The following THSD7A variants were observed in gnomAD, a reference collection of about 807,000 sequenced individuals.
The protein encoded by THSD7A is thrombospondin type-1 domain-containing protein 7A.
THSD7A carries 96 observed loss-of-function variants against 231.3 expected under a neutral mutation model. That is an observed-to-expected ratio of 0.41 (90% CI 0.35 to 0.49). The LOEUF is 0.49. Among genes scored for constraint, THSD7A ranks in the 20% least tolerant of loss-of-function variants. The probability of loss-of-function intolerance (pLI) is 0.05; values close to 1 mark genes in which losing one functional copy is unlikely to be tolerated. For synonymous variants in THSD7A, 940 were observed against 743.3 expected, an observed-to-expected ratio of 1.26 and a Z score of -4.30; for missense variants, 2,290 against 2,070.2, an observed-to-expected ratio of 1.11 and a Z score of -2.06.
intron 2 of THSD7A, among the ~76,000 whole-genome samples, chr7:11,606,659 A>C (rs957029166): frequency 6.9e-6 from 1 of 144,450 alleles, no homozygotes; most frequent in African/African-American, 2.4e-5. Flanking sequence ...AAATTTAATA[A>C]TACTTTTTTA....
chr7:11,753,724 T>C (rs1420432144), intron 1 of THSD7A, among the ~76,000 whole-genome samples: 1 of 151,850 alleles, frequency 6.6e-6, no homozygotes, highest in Non-Finnish European at 1.5e-5. Flanking sequence ...AAGTTGCTAT[T>C]TGGAAAAGAT....
intron 4 of THSD7A, among the ~76,000 whole-genome samples, chr7:11,567,665 A>G (rs184393886): frequency 6.6e-5 from 10 of 152,288 alleles, no homozygotes; most frequent in Admixed American, 6.5e-4. Context: ...TTTTCAGGTA[A>G]GGCCTGAGCT....
rs534498751 is a variant in THSD7A at position 11,765,895 on chromosome 7, A to G, written c.190+65862T>C. ...AACTTAGCATAAAAATAATTATCTG[A>G]GTCTGAATTCCCATCTCAAAGAATA... On this transcript the variant is annotated intron_variant, in intron 1 of 27. Transcript: ENST00000423059. 1.6e-3 allele frequency among the ~76,000 whole-genome samples: 246 copies of G among 152,272 alleles called. 1 individual carries two copies. Among genetic ancestry groups the G allele is most frequent in the Admixed American group, 4.8e-3 (74 of 15,292 alleles).
Position 11,469,961 on chromosome 7 carries a change from C to A in THSD7A, c.2286G>T (p.Arg762Ser), listed in dbSNP as rs776254153. The change falls in exon 9 of 28, where the codon AGG becomes AGT. Residue 762 changes from arginine to serine, a missense_variant. Transcript: ENST00000423059. Reference sequence around the variant, plus strand: ...CCTTCTTACAAGGAAGCAGACAAGGCCTTACAGTTTCAGGTCGAAGGCTTT... The same window carrying A: ...CCTTCTTACAAGGAAGCAGACAAGGACTTACAGTTTCAGGTCGAAGGCTTT... ...CPESLRPETV[R>S]PCLLPCKKDC... The A allele has an allele frequency of 4.4e-6, 7 of 1,598,786 alleles. No homozygotes were observed. Among genetic ancestry groups the A allele is most frequent in the Admixed American group, 3.4e-5 (2 of 58,384 alleles).
intron 23 of THSD7A, 58 bp downstream of exon 23, chr7:11,401,736 AT>A (rs368224418): frequency 0.016 from 19,686 of 1,199,842 alleles, 146 homozygotes; most frequent in African/African-American, 0.07. Flanking sequence ...TTAACAGACT[AT>A]TTTTTTTTTA....
chr7:11,520,297 T>C (rs1262503571), intron 6 of THSD7A: 2 of 152,186 alleles, frequency 1.3e-5, no homozygotes, highest in Admixed American at 1.3e-4. Context: ...ATGGAGTTAA[T>C]TATAAATCCT....
chr7:11,505,632 G>A (rs1014682836), intron 6 of THSD7A, among the ~76,000 whole-genome samples: 15 of 152,082 alleles, frequency 9.9e-5, no homozygotes, highest in African/African-American at 3.4e-4. Flanking sequence ...ATAATAAAAG[G>A]CTTGGATGGG....
At chr7:11,493,397 T>G (rs923904937) in intron 6 of THSD7A, among the ~76,000 whole-genome samples, 34 of 152,102 alleles carry the variant, frequency 2.2e-4, no homozygotes, top group Non-Finnish European at 4.6e-4. Context: ...CTCACACGTT[T>G]CAAACCTGAT....
chr7:11,629,706 T>TA (rs1781586470), intron 2 of THSD7A, among the ~76,000 whole-genome samples: 1 of 152,196 alleles, frequency 6.6e-6, no homozygotes, highest in African/African-American at 2.4e-5. Flanking sequence ...GAGAGCTGCC[T>TA]TAGTCTATAG....
intron 1 of THSD7A, among the ~76,000 whole-genome samples, chr7:11,825,916 A>T (rs531113463): frequency 6.6e-6 from 1 of 152,314 alleles, no homozygotes; most frequent in African/African-American, 2.4e-5. Flanking sequence ...AAACACTTGT[A>T]TTGGGATAAT....
chr7:11,579,075 TC>T (rs1791045331), intron 4 of THSD7A, among the ~76,000 whole-genome samples: 1 of 152,216 alleles, frequency 6.6e-6, no homozygotes, highest in Non-Finnish European at 1.5e-5. Context: ...ATGAGCTGTA[TC>T]CTTGTATTTT....
chr7:11,826,617 G>C (rs1785035306), intron 1 of THSD7A, among the ~76,000 whole-genome samples: 1 of 152,064 alleles, frequency 6.6e-6, no homozygotes, highest in Non-Finnish European at 1.5e-5. Context: ...TTTGAGACCA[G>C]CCTGCCCAAC....
chr7:11,451,909 G>A (rs182400592), intron 11 of THSD7A, among the ~76,000 whole-genome samples: 133 of 152,104 alleles, frequency 8.7e-4, no homozygotes, highest in South Asian at 2.5e-3. Context: ...ACCCTTCAGC[G>A]TGTAAGGCCA....
chr7:11,677,316 CA>C (rs1042716127), intron 1 of THSD7A, among the ~76,000 whole-genome samples: 88 of 151,984 alleles, frequency 5.8e-4, no homozygotes, highest in African/African-American at 2.0e-3. Flanking sequence ...CAAAAACATA[CA>C]AAAATGTAAA....
rs557375587 is a variant in THSD7A, at chr7:11,500,772, T to C, written c.1823-18790A>G. Among the ~76,000 whole-genome samples, 76 of 151,898 alleles carry C rather than the reference T, an allele frequency of 5.0e-4. 1 individual carries two copies. The South Asian group carries it at 0.015, about 31-fold the overall frequency. Reference sequence around the variant, plus strand: ...CAAGATGGTGAAAACCCATCTCTACTAAAAATACAACAAATTAGCCAGGCG... The same window carrying C: ...CAAGATGGTGAAAACCCATCTCTACCAAAAATACAACAAATTAGCCAGGCG... On this transcript the variant is annotated intron_variant, in intron 6 of 27. Transcript: ENST00000423059.
intron 7 of THSD7A, among the ~76,000 whole-genome samples, chr7:11,475,378 A>G (rs1004633375): frequency 3.7e-4 from 57 of 152,126 alleles, no homozygotes; most frequent in Admixed American, 3.5e-3. Context: ...GCGGCAGCAC[A>G]GCCCCACCTC....
intron 23 of THSD7A, chr7:11,384,554 A>G (rs1365204448): frequency 6.6e-6 from 1 of 151,912 alleles, no homozygotes; most frequent in Non-Finnish European, 1.5e-5. Context: ...AGCTAAAGAT[A>G]TTTTTTAAAA....
chr7:11,495,146 A>G (rs1787048484), intron 6 of THSD7A, among the ~76,000 whole-genome samples: 1 of 152,084 alleles, frequency 6.6e-6, no homozygotes, highest in South Asian at 2.1e-4. Flanking sequence ...CAGAAACATT[A>G]TATTCACTAG....
chr7:11,830,599 T>C (rs886373962), intron 1 of THSD7A, among the ~76,000 whole-genome samples: 1 of 152,224 alleles, frequency 6.6e-6, no homozygotes, highest in African/African-American at 2.4e-5. Context: ...CTAAGACAAA[T>C]TGTGTACTTT....
Sources: allele counts gnomAD v4.1 joint callset (sites outside exome capture counted in the v4.1 genomes callset), GRCh38; gene constraint gnomAD v4.1.1; transcripts MANE v1.5; gene names NCBI Gene and HGNC (gene_info 2026-07-23, HGNC 2026-07-21).